Variants in NRG3 observed in about 807,000 individuals in gnomAD.
NRG3 encodes the protein pro-neuregulin-3, membrane-bound isoform.
Under a neutral mutation model 66.9 loss-of-function variants are expected in NRG3, and 31 were observed. That is an observed-to-expected ratio of 0.46 (90% CI 0.35 to 0.63). The LOEUF is 0.63. NRG3 is among the 20% of genes least tolerant of loss of function. The probability of loss-of-function intolerance (pLI) is 0.00; values close to 1 mark genes in which losing one functional copy is unlikely to be tolerated. For synonymous variants in NRG3, 393 were observed against 359.4 expected (o/e 1.09, Z -1.06); for missense variants, 910 against 878.9 (o/e 1.04, Z -0.45).
rs1018223570 is a variant in NRG3 at position 82,441,268 on chromosome 10, T to C, written c.953+82400T>C. 3.3e-5 allele frequency among the ~76,000 whole-genome samples: 5 copies of C among 152,228 alleles called. No homozygotes were observed. The East Asian group carries it at 9.6e-4, about 29-fold the overall frequency. On this transcript the variant is annotated intron_variant, in intron 2 of 8. Transcript: ENST00000372141. ...AAAATGTCAATTTGTATATTGGTAT[T>C]CAAGTGGGAGCGATAAACCATTAAT...
chr10:81,964,515 A>C (rs1434098159), intron 1 of NRG3, among the ~76,000 whole-genome samples: 1 of 152,172 alleles, frequency 6.6e-6, no homozygotes, highest in African/African-American at 2.4e-5. Context: ...CTTCCCCTAC[A>C]GATGAACGTT....
chr10:82,479,694 AC>A (rs1236309651), intron 2 of NRG3, among the ~76,000 whole-genome samples: 2 of 128,002 alleles, frequency 1.6e-5, no homozygotes, highest in Non-Finnish European at 3.3e-5. Flanking sequence ...AAAGCCCGGC[AC>A]CGGGGCTCAT....
intron 4 of NRG3, among the ~76,000 whole-genome samples, chr10:82,925,623 AG>A (rs1407031436): frequency 2.6e-5 from 4 of 152,226 alleles, no homozygotes; most frequent in African/African-American, 9.6e-5. Flanking sequence ...AAAAACTGGA[AG>A]ACTCCTTTGC....
chr10:82,719,336 C>T (rs2057158816), intron 2 of NRG3, among the ~76,000 whole-genome samples: 1 of 152,132 alleles, frequency 6.6e-6, no homozygotes, highest in African/African-American at 2.4e-5. Flanking sequence ...GTTAGTGTTA[C>T]AAAAACATGC....
At chr10:82,490,282 C>G (rs1842987907) in intron 2 of NRG3, among the ~76,000 whole-genome samples, 1 of 152,132 alleles carries the variant, frequency 6.6e-6, no homozygotes, top group Non-Finnish European at 1.5e-5. Context: ...CTAACTTTTT[C>G]AGATTGCTTT....
intron 3 of NRG3, among the ~76,000 whole-genome samples, chr10:82,864,338 AT>A (rs1422216834): frequency 3.3e-5 from 5 of 152,212 alleles, no homozygotes; most frequent in Admixed American, 6.5e-5. Flanking sequence ...TTCCAAATAA[AT>A]TTTTTAATGA....
chr10:81,956,622 G>A (rs747863476), intron 1 of NRG3, among the ~76,000 whole-genome samples: 1 of 152,032 alleles, frequency 6.6e-6, no homozygotes, highest in Non-Finnish European at 1.5e-5. Flanking sequence ...ACCACAGCTG[G>A]TCCTGAACAC....
At chr10:82,265,832 T>A (rs1207440291) in intron 1 of NRG3, among the ~76,000 whole-genome samples, 2 of 152,080 alleles carry the variant, frequency 1.3e-5, no homozygotes, top group African/African-American at 4.8e-5. Context: ...GTTTTGCATT[T>A]TAGGGTATGA....
At chr10:82,276,857 A>T (rs1320731674) in intron 1 of NRG3, among the ~76,000 whole-genome samples, 1 of 152,172 alleles carries the variant, frequency 6.6e-6, no homozygotes, top group South Asian at 2.1e-4. Context: ...ATAGCACAGA[A>T]AACTTATCAA....
chr10:82,882,921 T>A (rs1258233314), intron 4 of NRG3, among the ~76,000 whole-genome samples: 2 of 152,178 alleles, frequency 1.3e-5, no homozygotes, highest in African/African-American at 4.8e-5. Context: ...TAGCTGCCAG[T>A]GGATACCTCT....
intron 1 of NRG3, among the ~76,000 whole-genome samples, chr10:82,132,052 C>T (rs1014292450): frequency 6.6e-6 from 1 of 151,926 alleles, no homozygotes; most frequent in African/African-American, 2.4e-5. Context: ...AGTGCTCTAC[C>T]TAGAGTTTCC....
chr10:82,156,889 T>C (rs2071231037), intron 1 of NRG3, among the ~76,000 whole-genome samples: 1 of 151,692 alleles, frequency 6.6e-6, no homozygotes, highest in South Asian at 2.1e-4. Flanking sequence ...GAAGAAACTA[T>C]TTAAAACTTC....
At chr10:82,795,071 G>A (rs1260071408) in intron 3 of NRG3, among the ~76,000 whole-genome samples, 1 of 152,142 alleles carries the variant, frequency 6.6e-6, no homozygotes, top group African/African-American at 2.4e-5. Flanking sequence ...GTAAAATGAA[G>A]ATCTCTATGT....
intron 2 of NRG3, among the ~76,000 whole-genome samples, chr10:82,424,467 T>G (rs1381399909): frequency 6.6e-6 from 1 of 152,070 alleles, no homozygotes; most frequent in Non-Finnish European, 1.5e-5. Context: ...TTCAAATTAT[T>G]TTCCTATTTA....
At chr10:82,441,633 G>A (rs2090437065) in intron 2 of NRG3, among the ~76,000 whole-genome samples, 1 of 152,178 alleles carries the variant, frequency 6.6e-6, no homozygotes, top group African/African-American at 2.4e-5. Flanking sequence ...ATGGGCATTG[G>A]AAGAGGATCC....
chr10:82,599,642 C>T (rs1304680777), intron 2 of NRG3, among the ~76,000 whole-genome samples: 6 of 152,084 alleles, frequency 3.9e-5, no homozygotes, highest in Non-Finnish European at 5.9e-5. Context: ...GGTGAAACCC[C>T]GTCTCTATTA....
intron 2 of NRG3, among the ~76,000 whole-genome samples, chr10:82,548,248 C>T (rs185789450): frequency 6.5e-4 from 98 of 151,914 alleles, no homozygotes; most frequent in African/African-American, 2.2e-3. Context: ...CTTAAAAGAC[C>T]TCATTAAAAG....
At chr10:82,061,055 G>A (rs771059195) in intron 1 of NRG3, among the ~76,000 whole-genome samples, 1 of 152,184 alleles carries the variant, frequency 6.6e-6, no homozygotes, top group African/African-American at 2.4e-5. Context: ...TTTGGTTTCA[G>A]TGTATGTAGG....
At chr10:81,964,034 AAAAAT>A (rs1334590793) in intron 1 of NRG3, among the ~76,000 whole-genome samples, 7 of 152,222 alleles carry the variant, frequency 4.6e-5, no homozygotes, top group African/African-American at 1.4e-4. Flanking sequence ...TTCAAGCAAT[AAAAAT>A]AAAATAAGTG....
Sources: gnomAD v4.1 joint callset for allele counts (sites outside exome capture counted in the v4.1 genomes callset) on GRCh38, gnomAD v4.1.1 for gene constraint, MANE v1.5 for transcripts, NCBI Gene and HGNC (gene_info 2026-07-23, HGNC 2026-07-21) for gene names.